The following NTM variants were observed in gnomAD, a reference collection of about 807,000 sequenced individuals.
NTM encodes neurotrimin.
In NTM, 13 loss-of-function variants were observed where a neutral mutation model predicts 42.1. The observed-to-expected ratio is 0.31, with a 90% CI of 0.20 to 0.49. NTM has a LOEUF of 0.49. Ranked by LOEUF, NTM falls within the 20% of genes least tolerant of loss-of-function variation. NTM has a pLI of 0.99. For missense variants in NTM, 373 were observed against 452.8 expected, an observed-to-expected ratio of 0.82 and a Z score of 1.60; for synonymous variants, 187 against 179.2, an observed-to-expected ratio of 1.04 and a Z score of -0.35.
At chr11:131,545,749 GA>G (rs2053850451) in intron 1 of NTM, among the ~76,000 whole-genome samples, 1 of 152,186 alleles carries the variant, frequency 6.6e-6, no homozygotes, top group African/African-American at 2.4e-5. Flanking sequence ...TAAAGCAAGT[GA>G]CCTTTGGGCT....
intron 2 of NTM, among the ~76,000 whole-genome samples, chr11:132,113,224 G>A (rs907837661): frequency 6.6e-6 from 1 of 152,318 alleles, no homozygotes; most frequent in African/African-American, 2.4e-5. Context: ...CAGTCTCAGC[G>A]AGGCACTTCT....
At chr11:131,427,201 T>C (rs1221243822) in intron 1 of NTM, among the ~76,000 whole-genome samples, 1 of 152,020 alleles carries the variant, frequency 6.6e-6, no homozygotes, top group Non-Finnish European at 1.5e-5. Context: ...GGAATGCTTT[T>C]TCTGTGGGTG....
intron 2 of NTM, among the ~76,000 whole-genome samples, chr11:132,108,118 C>T (rs1049261005): frequency 8.5e-5 from 13 of 152,294 alleles, no homozygotes; most frequent in Middle Eastern, 3.4e-3. Context: ...TTTATCCCTC[C>T]TTTATCTTTC....
intron 1 of NTM, among the ~76,000 whole-genome samples, chr11:131,465,718 C>T (rs1326650693): frequency 6.6e-6 from 1 of 152,162 alleles, no homozygotes; most frequent in African/African-American, 2.4e-5. Context: ...CCAAATTGGG[C>T]CATTGTTAGC....
At chr11:131,655,523 T>C (rs1354352006) in intron 1 of NTM, among the ~76,000 whole-genome samples, 1 of 152,160 alleles carries the variant, frequency 6.6e-6, no homozygotes, top group Non-Finnish European at 1.5e-5. Context: ...CTGGCTCGGT[T>C]GTTTCTGTGC....
intron 1 of NTM, among the ~76,000 whole-genome samples, chr11:131,813,497 CT>C (rs2092824107): frequency 1.3e-5 from 2 of 152,158 alleles, no homozygotes; most frequent in East Asian, 3.9e-4. Context: ...AGTACAGGAA[CT>C]TATGGCCTTT....
intron 1 of NTM, among the ~76,000 whole-genome samples, chr11:131,599,961 T>G (rs574970930): frequency 6.6e-6 from 1 of 152,352 alleles, no homozygotes; most frequent in South Asian, 2.1e-4. Context: ...ACAACAATTG[T>G]TATAAACAGA....
intron 4 of NTM, among the ~76,000 whole-genome samples, chr11:132,212,794 T>C (rs2083083825): frequency 6.6e-6 from 1 of 152,230 alleles, no homozygotes; most frequent in South Asian, 2.1e-4. Flanking sequence ...ATTATTAAGC[T>C]AGCTTTTATT....
chr11:131,736,852 T>C (rs2080520923), intron 1 of NTM, among the ~76,000 whole-genome samples: 1 of 152,196 alleles, frequency 6.6e-6, no homozygotes, highest in East Asian at 1.9e-4. Flanking sequence ...GAGCTTCATT[T>C]ATCTGCGTTG....
In NTM at chr11:131,770,749, G is replaced by A. The variant is rs377304564; in HGVS notation, c.83-140815G>A. The stretch of plus-strand genomic sequence containing the variant: ...CCAGTTGGGAACACTGGCACTTCCC[G>A]AATTTGCTTTACAGTTTCAACGTCA... On this transcript the variant is annotated intron_variant, in intron 1 of 8. Transcript: ENST00000683400. The A allele has an allele frequency of 8.5e-5, 13 of 152,216 alleles. No individual in the cohort carries two copies. The East Asian group carries it at 1.2e-3, about 14-fold the overall frequency. 9.4% of individuals were successfully genotyped at this position (152,216 alleles called of 1,614,324 possible).
intron 1 of NTM, among the ~76,000 whole-genome samples, chr11:131,649,005 G>C (rs1464924647): frequency 2.0e-5 from 3 of 152,172 alleles, no homozygotes; most frequent in Non-Finnish European, 4.4e-5. Flanking sequence ...AAAAAAGCAG[G>C]CCCCCTGAGG....
chr11:131,850,018 G>A lies in NTM; in HGVS notation c.83-61546G>A, dbSNP rs547311303. On this transcript the variant is annotated intron_variant, in intron 1 of 8. Coordinates refer to ENST00000683400, the MANE Select transcript of NTM (RefSeq NM_001352005.2). ...AATAAGACCTCAGATCTAGAGGCACGTAATTTGCACTCAGGTTGCTAAGTG... is the reference window on the plus strand; with the variant it reads ...AATAAGACCTCAGATCTAGAGGCACATAATTTGCACTCAGGTTGCTAAGTG... 9.2e-5 allele frequency among the ~76,000 whole-genome samples: 14 copies of A among 151,872 alleles called. No homozygotes were observed. In the South Asian group the frequency reaches 1.7e-3, roughly 18 times the overall value.
chr11:132,135,309 A>T (rs1386068237), intron 2 of NTM, among the ~76,000 whole-genome samples: 2 of 152,214 alleles, frequency 1.3e-5, no homozygotes, highest in East Asian at 3.9e-4. Context: ...TCTTTCTAGC[A>T]CCTTCCTTTC....
chr11:131,557,657 T>A (rs959507382), intron 1 of NTM, among the ~76,000 whole-genome samples: 3 of 151,690 alleles, frequency 2.0e-5, no homozygotes, highest in African/African-American at 7.3e-5. Context: ...TGTGGGTCTT[T>A]GTGTTTGGCT....
At chr11:132,070,052 A>C (rs1566078276) in intron 2 of NTM, among the ~76,000 whole-genome samples, 1 of 145,616 alleles carries the variant, frequency 6.9e-6, no homozygotes, top group Non-Finnish European at 1.5e-5. Flanking sequence ...CAGGTTAGTT[A>C]ACACGTCACA....
At chr11:131,451,289 G>T (rs953073718) in intron 1 of NTM, among the ~76,000 whole-genome samples, 17 of 152,200 alleles carry the variant, frequency 1.1e-4, no homozygotes, top group Admixed American at 1.1e-3. Context: ...CCAAGCATAT[G>T]CACAAAAGAG....
chr11:132,037,773 C>T (rs2076686001), intron 2 of NTM, among the ~76,000 whole-genome samples: 1 of 152,078 alleles, frequency 6.6e-6, no homozygotes, highest in Non-Finnish European at 1.5e-5. Flanking sequence ...TTTTTTTCTT[C>T]TTTTGGATGT....
intron 1 of NTM, among the ~76,000 whole-genome samples, chr11:131,587,403 G>A (rs890993733): frequency 6.0e-5 from 9 of 151,158 alleles, no homozygotes; most frequent in East Asian, 1.9e-4. Context: ...AGCAGAGATC[G>A]CACCACTGCA....
intron 1 of NTM, among the ~76,000 whole-genome samples, chr11:131,447,558 G>A (rs1347971015): frequency 6.6e-6 from 1 of 152,188 alleles, no homozygotes; most frequent in Non-Finnish European, 1.5e-5. Context: ...TCGGGAGAGG[G>A]AGGGAGTGAG....
Sources: allele counts gnomAD v4.1 joint callset (sites outside exome capture counted in the v4.1 genomes callset), GRCh38; gene constraint gnomAD v4.1.1; transcripts MANE v1.5; gene names NCBI Gene and HGNC (gene_info 2026-07-23, HGNC 2026-07-21).